Variants in TINAG observed in about 807,000 individuals in gnomAD.
TINAG encodes tubulointerstitial nephritis antigen.
Under a neutral mutation model 72.7 loss-of-function variants are expected in TINAG, and 83 were observed. The observed-to-expected ratio is 1.14, with a 90% CI of 0.96 to 1.37. The LOEUF (loss-of-function observed/expected upper bound fraction) is 1.37, where lower values mean the gene tolerates loss of function less well. Ranked by LOEUF, TINAG falls within the 40% of genes most tolerant of loss-of-function variation. TINAG has a pLI of 0.00. For missense variants in TINAG, 685 were observed against 576.6 expected (o/e 1.19, Z -1.93); for synonymous variants, 234 against 189.9 (o/e 1.23, Z -1.91).
chr6:54,310,716 CTCTT>C (rs1784228505), intron 1 of TINAG, among the ~76,000 whole-genome samples: 1 of 120,974 alleles, frequency 8.3e-6, no homozygotes, highest in Non-Finnish European at 1.9e-5. Flanking sequence ...CTTTCTCTCC[CTCTT>C]TCTTTTTTCT....
At chr6:54,345,712 G>C (rs143709593) in intron 5 of TINAG, among the ~76,000 whole-genome samples, 1,611 of 152,076 alleles carry the variant, frequency 0.011, 25 homozygotes, top group African/African-American at 0.037. Context: ...ATATATCCTA[G>C]TGCAATAGTA....
intron 10 of TINAG, among the ~76,000 whole-genome samples, chr6:54,386,659 A>G (rs2150986295): frequency 6.6e-6 from 1 of 152,158 alleles, no homozygotes; most frequent in Non-Finnish European, 1.5e-5. Flanking sequence ...GGGCTTCTTG[A>G]GCCACATTTG....
chr6:54,368,667 GCATTGCTT>G (rs1763511131), intron 9 of TINAG, among the ~76,000 whole-genome samples: 1 of 151,080 alleles, frequency 6.6e-6, no homozygotes, highest in Admixed American at 6.6e-5. Context: ...GGTATTGCAC[GCATTGCTT>G]CATTGCTCTC....
Position 54,326,492 on chromosome 6 carries a change from T to G in TINAG, c.510-310T>G, listed in dbSNP as rs531615990. Among the ~76,000 whole-genome samples, 53 of 152,212 alleles carry G rather than the reference T, an allele frequency of 3.5e-4. No homozygotes were observed. The South Asian group carries it at 0.011, about 31-fold the overall frequency. On this transcript the variant is annotated intron_variant, in intron 3 of 10. Coordinates refer to ENST00000259782, the MANE Select transcript of TINAG (RefSeq NM_014464.4). ...ATTTAAGCTTCTTTCTAAGATGCAT[T>G]TAATGGCATTTAAAGGAAACTGCAT... is the stretch of plus-strand genomic sequence containing the variant.
chr6:54,308,580 C>A lies in TINAG; in HGVS notation c.30C>A (p.Phe10Leu), dbSNP rs766898767. 2.5e-6 allele frequency: 4 copies of A among 1,612,696 alleles called. No homozygotes were observed. The highest frequency in any genetic ancestry group is 2.2e-5 in the South Asian group (2 of 90,986). ...GGACCGGATATAAGATCTTAATCTTCTCTTATCTTACTACAGAAATCTGGA... is the reference window on the plus strand; with the variant it reads ...GGACCGGATATAAGATCTTAATCTTATCTTATCTTACTACAGAAATCTGGA... MWTGYKILI[F>L]SYLTTEIWME... The change falls in exon 1 of 11, where the codon TTC (phenylalanine) becomes TTA (leucine). Residue 10 changes from phenylalanine to leucine, a missense_variant. By Grantham distance (22) the Phe-to-Leu change is conservative. Coordinates refer to ENST00000259782, the MANE Select transcript of TINAG (RefSeq NM_014464.4).
chr6:54,338,408 G>A (rs190969713), intron 4 of TINAG, among the ~76,000 whole-genome samples: 361 of 152,160 alleles, frequency 2.4e-3, no homozygotes, highest in Middle Eastern at 6.8e-3. Context: ...GGTCTGTCTT[G>A]ACCTAAAGTA....
chr6:54,356,384 A>G (rs1303761350), intron 9 of TINAG, among the ~76,000 whole-genome samples: 1 of 151,834 alleles, frequency 6.6e-6, no homozygotes, highest in African/African-American at 2.4e-5. Flanking sequence ...AAAAAATACA[A>G]AAATTAGCTG....
intron 9 of TINAG, among the ~76,000 whole-genome samples, chr6:54,373,761 C>A (rs760379063): frequency 2.6e-5 from 4 of 152,052 alleles, no homozygotes; most frequent in Non-Finnish European, 4.4e-5. Context: ...GCTGGCCAAC[C>A]CTTATAGTAT....
chr6:54,333,058 G>A (rs1303575005), intron 4 of TINAG, among the ~76,000 whole-genome samples: 3 of 152,056 alleles, frequency 2.0e-5, no homozygotes, highest in Non-Finnish European at 4.4e-5. Flanking sequence ...GAGGCAGTGG[G>A]GCAGTTCCTC....
chr6:54,325,090 A>T (rs1199174868), intron 3 of TINAG, among the ~76,000 whole-genome samples: 1 of 152,220 alleles, frequency 6.6e-6, no homozygotes, highest in African/African-American at 2.4e-5. Flanking sequence ...CTTTAAACAA[A>T]TGCTCTCTTC....
chr6:54,389,480 T>G lies in TINAG; in HGVS notation c.1297-311T>G, dbSNP rs544121573. ...CACCTAGCACAGGCTGTTGTTCACATAGTAGACAACTCTATAACTGCAGCT... is the reference window on the plus strand; with the variant it reads ...CACCTAGCACAGGCTGTTGTTCACAGAGTAGACAACTCTATAACTGCAGCT... On this transcript the variant is annotated intron_variant, in intron 10 of 10. Transcript: ENST00000259782. 6.6e-5 allele frequency among the ~76,000 whole-genome samples: 10 copies of G among 152,306 alleles called. No homozygotes were observed. The South Asian group carries it at 2.1e-3, about 32-fold the overall frequency.
In TINAG at chr6:54,338,445, G is replaced by A. The variant is rs533435996; in HGVS notation, c.625-4781G>A. ...GTTCCATAAAACACTAGTTTGGCCG[G>A]GAGGTGTGGCTCACACCTGTAATCT... is the stretch of plus-strand genomic sequence containing the variant. On this transcript the variant is annotated intron_variant, in intron 4 of 10. Coordinates refer to ENST00000259782, the MANE Select transcript of TINAG (RefSeq NM_014464.4). 7.0e-4 allele frequency among the ~76,000 whole-genome samples: 107 copies of A among 152,208 alleles called. 1 individual carries two copies. Among genetic ancestry groups the A allele is most frequent in the Non-Finnish European group, 1.3e-3 (87 of 68,000 alleles).
intron 9 of TINAG, among the ~76,000 whole-genome samples, chr6:54,361,453 A>G (rs1313073215): frequency 6.6e-6 from 1 of 150,894 alleles, no homozygotes; most frequent in Non-Finnish European, 1.5e-5. Context: ...TAGGAGAGAG[A>G]GAGAAGAGGG....
chr6:54,380,365 T>G (rs1763910568), intron 9 of TINAG, among the ~76,000 whole-genome samples, 161 bp from the exon 10 acceptor site: 1 of 152,128 alleles, frequency 6.6e-6, no homozygotes, highest in East Asian at 1.9e-4. Flanking sequence ...GAAAACTATA[T>G]GAGCACATTT....
chr6:54,319,196 G>T (rs2091785156), intron 1 of TINAG, among the ~76,000 whole-genome samples: 1 of 152,104 alleles, frequency 6.6e-6, no homozygotes, highest in Non-Finnish European at 1.5e-5. Flanking sequence ...CACACTCTCA[G>T]TTTTTAAGAA....
At chr6:54,336,912 G>C (rs3777645) in intron 4 of TINAG, among the ~76,000 whole-genome samples, 3 of 151,338 alleles carry the variant, frequency 2.0e-5, no homozygotes, top group African/African-American at 7.3e-5. Flanking sequence ...ATCCTTTCTC[G>C]GTCATCCAAT....
In TINAG at chr6:54,390,018, G is replaced by C; in HGVS notation, c.*93G>C. On this transcript the variant is annotated 3_prime_UTR_variant, in exon 11 of 11. Transcript: ENST00000259782. Reference sequence around the variant, plus strand: ...CATTCTTGGTGACAGTGGAATCTTTGTCTCTTCACCGTGTTAACATAATCT... The same window carrying C: ...CATTCTTGGTGACAGTGGAATCTTTCTCTCTTCACCGTGTTAACATAATCT... 1.3e-6 allele frequency: 2 copies of C among 1,498,098 alleles called. No individual in the cohort carries two copies. The allele number at this position is 1,498,098 out of a possible 1,614,324, so 92.8% of individuals were successfully genotyped here. A position where few individuals can be genotyped will look rare whatever the true frequency, so the allele number is the denominator to read the frequency against.
intron 2 of TINAG, among the ~76,000 whole-genome samples, chr6:54,320,954 G>T (rs1449880899): frequency 6.6e-5 from 10 of 151,968 alleles, no homozygotes. Context: ...TGTGTTTTTT[G>T]AGCACAGTAA....
At chr6:54,341,146 C>T (rs1442450462) in intron 4 of TINAG, among the ~76,000 whole-genome samples, 2 of 152,036 alleles carry the variant, frequency 1.3e-5, no homozygotes, top group Admixed American at 6.6e-5. Flanking sequence ...ATTGACACTC[C>T]ACTATTTTTC....
Sources: allele counts gnomAD v4.1 joint callset (sites outside exome capture counted in the v4.1 genomes callset), GRCh38; gene constraint gnomAD v4.1.1; transcripts MANE v1.5; gene names NCBI Gene and HGNC (gene_info 2026-07-23, HGNC 2026-07-21).